The following FLI1 variants were observed in gnomAD, a reference collection of about 807,000 sequenced individuals.
The protein encoded by FLI1 is Friend leukemia integration 1 transcription factor.
A neutral mutation model predicts 53.1 loss-of-function variants in FLI1; 13 were observed. That is an observed-to-expected ratio of 0.24 (90% CI 0.16 to 0.39). FLI1 has a LOEUF of 0.39. Among genes scored for constraint, FLI1 ranks in the 10% least tolerant of loss-of-function variants. The pLI, the probability that FLI1 is intolerant of heterozygous loss-of-function variation, is 1.00. For missense variants in FLI1, 424 were observed against 600.5 expected, an observed-to-expected ratio of 0.71 and a Z score of 3.07; for synonymous variants, 244 against 236.7, an observed-to-expected ratio of 1.03 and a Z score of -0.28.
intron 1 of FLI1, among the ~76,000 whole-genome samples, chr11:128,737,120 G>A (rs1939945727): frequency 6.6e-6 from 1 of 152,186 alleles, no homozygotes; most frequent in South Asian, 2.1e-4. Context: ...ACTTCGGAAA[G>A]CCCTTTTTCA....
chr11:128,697,530 A>G (rs560735579), intron 1 of FLI1, among the ~76,000 whole-genome samples: 2 of 151,272 alleles, frequency 1.3e-5, no homozygotes, highest in Admixed American at 6.6e-5. Context: ...ATACACATTA[A>G]ATTAACTTCA....
chr11:128,807,864 G>C (rs1450814696), intron 7 of FLI1, among the ~76,000 whole-genome samples: 1 of 152,094 alleles, frequency 6.6e-6, no homozygotes, highest in Non-Finnish European at 1.5e-5. Context: ...TTTCCTTCTG[G>C]AGAAGCCTTC....
chr11:128,727,523 A>T (rs1205745498), intron 1 of FLI1, among the ~76,000 whole-genome samples: 2 of 152,230 alleles, frequency 1.3e-5, no homozygotes, highest in African/African-American at 2.4e-5. Flanking sequence ...CCCAAGGGCC[A>T]GGTCTAGAGT....
At chr11:128,743,405 T>TAA (rs373125181) in intron 1 of FLI1, among the ~76,000 whole-genome samples, 30 of 91,548 alleles carry the variant, frequency 3.3e-4, no homozygotes, top group African/African-American at 8.2e-4. Flanking sequence ...ACCATGTCTC[T>TAA]AAAAAAAAAA....
At chr11:128,736,021 T>C (rs1939899030) in intron 1 of FLI1, among the ~76,000 whole-genome samples, 1 of 152,164 alleles carries the variant, frequency 6.6e-6, no homozygotes, top group African/African-American at 2.4e-5. Flanking sequence ...AAATTGATCA[T>C]CTTTAGGCAG....
intron 2 of FLI1, among the ~76,000 whole-genome samples, chr11:128,767,741 A>G (rs991861747): frequency 2.0e-5 from 3 of 152,196 alleles, no homozygotes; most frequent in African/African-American, 7.2e-5. Context: ...GCGGGCACCA[A>G]GTGCTGGGGG....
chr11:128,756,395 C>T (rs925187016), intron 1 of FLI1, among the ~76,000 whole-genome samples: 3 of 152,126 alleles, frequency 2.0e-5, no homozygotes, highest in Admixed American at 6.5e-5. Context: ...ATAAGAACAC[C>T]AGTCATATTG....
At chr11:128,801,206 C>A (rs144021385) in intron 5 of FLI1, among the ~76,000 whole-genome samples, 3 of 152,218 alleles carry the variant, frequency 2.0e-5, no homozygotes, top group African/African-American at 7.2e-5. Context: ...GCACACCCTG[C>A]CTGAGCCCCA....
chr11:128,740,974 G>A (rs1940110329), intron 1 of FLI1, among the ~76,000 whole-genome samples: 1 of 152,180 alleles, frequency 6.6e-6, no homozygotes, highest in African/African-American at 2.4e-5. Flanking sequence ...TTAACCCAGA[G>A]GGAAAAAGGG....
At chr11:128,783,692 C>T (rs1202075320) in intron 5 of FLI1, among the ~76,000 whole-genome samples, 1 of 152,200 alleles carries the variant, frequency 6.6e-6, no homozygotes, top group East Asian at 1.9e-4. Context: ...CCACTTCAGG[C>T]CCTGAACCTC....
chr11:128,781,923 T>G (rs557269541), intron 4 of FLI1, 35 bp from the exon 5 acceptor site: 3 of 1,554,840 alleles, frequency 1.9e-6, no homozygotes, highest in Non-Finnish European at 2.7e-6. Context: ...CAGAAGAACA[T>G]TTTGGTTATA....
chr11:128,749,354 G>A (rs1269051428), intron 1 of FLI1, among the ~76,000 whole-genome samples: 1 of 152,200 alleles, frequency 6.6e-6, no homozygotes, highest in Non-Finnish European at 1.5e-5. Context: ...CTTCACTGAA[G>A]GCTCGTTCAC....
At chr11:128,714,459 GTC>G (rs1473622886) in intron 1 of FLI1, among the ~76,000 whole-genome samples, 1 of 152,180 alleles carries the variant, frequency 6.6e-6, no homozygotes, top group African/African-American at 2.4e-5. Flanking sequence ...CAGGCATGCT[GTC>G]TATATCTGGT....
At chr11:128,690,257 C>G (rs140164992), upstream of FLI1, among the ~76,000 whole-genome samples, 2,789 of 152,350 alleles carry the variant, frequency 0.018, 85 homozygotes, top group African/African-American at 0.06. Flanking sequence ...TCCTCCTCCC[C>G]CTTTGCCAGC....
intron 1 of FLI1, among the ~76,000 whole-genome samples, chr11:128,707,593 T>C (rs1411098339): frequency 6.6e-6 from 1 of 152,088 alleles, no homozygotes; most frequent in Non-Finnish European, 1.5e-5. Flanking sequence ...AGACTGTGGG[T>C]CTCTATAAAC....
At position 128,812,381 on chromosome 11, in the gene FLI1, A is replaced by G. The variant is rs1309568697; in HGVS notation, c.*1393A>G. The G allele has an allele frequency of 2.2e-5, 5 of 223,290 alleles. No homozygotes were observed. Among genetic ancestry groups the G allele is most frequent in the Middle Eastern group, 1.3e-3 (1 of 744 alleles). The allele number at this position is 223,290 out of a possible 1,614,324, so 13.8% of individuals were successfully genotyped here. A position where few individuals can be genotyped will look rare whatever the true frequency, so the allele number is the denominator to read the frequency against. On this transcript the variant is annotated 3_prime_UTR_variant, in exon 9 of 9. Transcript: ENST00000527786. ...CAACTGTCAAAGAAGACCATGTTGT[A>G]AAATAATTTGACTAAATAAATGGTT...
At chr11:128,754,371 G>A (rs1304431952) in intron 1 of FLI1, among the ~76,000 whole-genome samples, 1 of 152,012 alleles carries the variant, frequency 6.6e-6, no homozygotes, top group Non-Finnish European at 1.5e-5. Flanking sequence ...GAAACAGGAA[G>A]CTCTCAGGAA....
chr11:128,773,140 G>A (rs538487338), intron 4 of FLI1, among the ~76,000 whole-genome samples, 155 bp downstream of exon 4: 39 of 152,176 alleles, frequency 2.6e-4, no homozygotes, highest in Non-Finnish European at 4.7e-4. Flanking sequence ...GGCTCCTACA[G>A]ACCCTGTGAG....
At chr11:128,754,809 C>T (rs1296715139) in intron 1 of FLI1, among the ~76,000 whole-genome samples, 1 of 152,236 alleles carries the variant, frequency 6.6e-6, no homozygotes, top group Non-Finnish European at 1.5e-5. Context: ...GAGAAATGCC[C>T]AGACTGGACA....
Sources: gnomAD v4.1 joint callset for allele counts (sites outside exome capture counted in the v4.1 genomes callset) on GRCh38, gnomAD v4.1.1 for gene constraint, MANE v1.5 for transcripts, NCBI Gene and HGNC (gene_info 2026-07-23, HGNC 2026-07-21) for gene names.